Variants in DLG2 observed in about 807,000 individuals in gnomAD.
The protein encoded by DLG2 is discs large MAGUK scaffold protein 2.
In DLG2, 45 loss-of-function variants were observed where a neutral mutation model predicts 132.5. The observed-to-expected ratio is 0.34, with a 90% CI of 0.27 to 0.44. DLG2 has a LOEUF of 0.44. DLG2 is among the 20% of genes least tolerant of loss of function. The pLI, the probability that DLG2 is intolerant of heterozygous loss-of-function variation, is 1.00. For missense variants in DLG2, 1,045 were observed against 1,196.9 expected (o/e 0.87, Z 1.87); for synonymous variants, 424 against 419.6 (o/e 1.01, Z -0.13).
At chr11:83,919,933 C>G (rs888065098) in intron 15 of DLG2, among the ~76,000 whole-genome samples, 2 of 152,144 alleles carry the variant, frequency 1.3e-5, no homozygotes, top group Non-Finnish European at 2.9e-5. Context: ...TTATTCATAT[C>G]CTGATATCCA....
Position 84,391,336 on chromosome 11 carries a change from G to C in DLG2, c.520-140045C>G, listed in dbSNP as rs144433403. Among the ~76,000 whole-genome samples the C allele has an allele frequency of 1.4e-3, 215 of 152,248 alleles. 1 individual carries two copies. The highest frequency in any genetic ancestry group is 2.4e-3 in the Non-Finnish European group (163 of 68,006). On this transcript the variant is annotated intron_variant, in intron 7 of 27. Transcript: ENST00000376104. ...ATGAAATATTTGATTGGATGATAAAGAATGTCTGAAAGGATACATAAGAAA... is the reference window on the plus strand; with the variant it reads ...ATGAAATATTTGATTGGATGATAAACAATGTCTGAAAGGATACATAAGAAA...
intron 6 of DLG2, among the ~76,000 whole-genome samples, chr11:84,950,091 C>A (rs771339609): frequency 6.6e-6 from 1 of 152,206 alleles, no homozygotes; most frequent in South Asian, 2.1e-4. Flanking sequence ...ACAACAAATA[C>A]GTCCAACTAA....
chr11:84,946,563 T>C (rs934527311), intron 6 of DLG2, among the ~76,000 whole-genome samples: 1 of 152,002 alleles, frequency 6.6e-6, no homozygotes, highest in Non-Finnish European at 1.5e-5. Flanking sequence ...CCCTATTATA[T>C]AGTTCTGGAG....
chr11:84,223,277 T>G (rs2096941301), intron 8 of DLG2, among the ~76,000 whole-genome samples: 1 of 152,138 alleles, frequency 6.6e-6, no homozygotes, highest in African/African-American at 2.4e-5. Flanking sequence ...TAAAATGCTT[T>G]TGCCCTTGAT....
chr11:83,533,485 T>C (rs1457518019), intron 20 of DLG2, among the ~76,000 whole-genome samples: 1 of 152,174 alleles, frequency 6.6e-6, no homozygotes. Context: ...TAGAACAAGA[T>C]GGCTGATATC....
At chr11:85,343,547 A>T (rs2152863410) in intron 3 of DLG2, among the ~76,000 whole-genome samples, 1 of 152,310 alleles carries the variant, frequency 6.6e-6, no homozygotes, top group Non-Finnish European at 1.5e-5. Context: ...TCATTGCTAA[A>T]GTTACCAGCA....
chr11:85,341,279 T>C (rs917512626), intron 3 of DLG2, among the ~76,000 whole-genome samples: 1 of 152,048 alleles, frequency 6.6e-6, no homozygotes. Flanking sequence ...CCAACATGCC[T>C]GGCTAATTTT....
intron 3 of DLG2, among the ~76,000 whole-genome samples, chr11:85,579,902 G>T (rs1024384223): frequency 2.0e-5 from 3 of 152,152 alleles, no homozygotes; most frequent in Non-Finnish European, 4.4e-5. Flanking sequence ...AGAAATAGGA[G>T]AGAAGCCTGA....
At chr11:84,668,094 A>C (rs1029576959) in intron 6 of DLG2, among the ~76,000 whole-genome samples, 5 of 152,142 alleles carry the variant, frequency 3.3e-5, no homozygotes, top group African/African-American at 1.2e-4. Context: ...ATGAAGTGCC[A>C]GATAAAGATA....
At chr11:83,614,918 C>G (rs2060589408) in intron 19 of DLG2, among the ~76,000 whole-genome samples, 1 of 152,206 alleles carries the variant, frequency 6.6e-6, no homozygotes, top group African/African-American at 2.4e-5. Flanking sequence ...CATAGCACAG[C>G]TGATTTGCTT....
intron 15 of DLG2, among the ~76,000 whole-genome samples, chr11:83,886,801 A>G (rs2068033697): frequency 6.6e-6 from 1 of 152,186 alleles, no homozygotes; most frequent in Non-Finnish European, 1.5e-5. Context: ...AACTCACTCA[A>G]AACCACTCAA....
chr11:84,314,417 A>T lies in DLG2; in HGVS notation c.520-63126T>A, dbSNP rs910524655. 5.9e-5 allele frequency among the ~76,000 whole-genome samples: 9 copies of T among 152,208 alleles called. 1 individual carries two copies. The highest frequency in any genetic ancestry group is 3.3e-4 in the Admixed American group (5 of 15,286). On this transcript the variant is annotated intron_variant, in intron 7 of 27. Coordinates refer to ENST00000376104, the MANE Select transcript of DLG2 (RefSeq NM_001142699.3). ...AGTGGACACATGAATACATATAGGTACACACATGCTCTTATTTTTGTGATA... is the reference window on the plus strand; with the variant it reads ...AGTGGACACATGAATACATATAGGTTCACACATGCTCTTATTTTTGTGATA...
chr11:85,238,840 T>C (rs2152669868), intron 4 of DLG2, among the ~76,000 whole-genome samples: 1 of 152,142 alleles, frequency 6.6e-6, no homozygotes, highest in African/African-American at 2.4e-5. Context: ...CTTTTCTTTT[T>C]TTTTTTTAAC....
At chr11:84,198,460 T>C (rs1012497770) in intron 8 of DLG2, among the ~76,000 whole-genome samples, 1 of 152,106 alleles carries the variant, frequency 6.6e-6, no homozygotes, top group African/African-American at 2.4e-5. Context: ...TGAAGCATAC[T>C]AAATGGCCTC....
At chr11:84,248,602 T>C (rs2097332883) in intron 8 of DLG2, among the ~76,000 whole-genome samples, 1 of 152,146 alleles carries the variant, frequency 6.6e-6, no homozygotes, top group African/African-American at 2.4e-5. Context: ...ACACTCGTAA[T>C]CCCAGCACTT....
At chr11:83,892,308 T>G (rs770872203) in intron 15 of DLG2, among the ~76,000 whole-genome samples, 10 of 152,150 alleles carry the variant, frequency 6.6e-5, no homozygotes, top group Admixed American at 1.3e-4. Flanking sequence ...CTCCTTCCAT[T>G]TAAATAAGTT....
At chr11:84,851,434 C>A (rs2082152102) in intron 6 of DLG2, among the ~76,000 whole-genome samples, 1 of 152,088 alleles carries the variant, frequency 6.6e-6, no homozygotes, top group Non-Finnish European at 1.5e-5. Context: ...TATTAACTCA[C>A]TGGAATTGAA....
At chr11:84,391,731 T>C (rs959414959) in intron 7 of DLG2, among the ~76,000 whole-genome samples, 1 of 152,144 alleles carries the variant, frequency 6.6e-6, no homozygotes, top group Admixed American at 6.6e-5. Context: ...GCTGATTATT[T>C]TCCCTCGAAT....
At chr11:84,054,679 T>C (rs1422371477) in intron 11 of DLG2, among the ~76,000 whole-genome samples, 1 of 152,054 alleles carries the variant, frequency 6.6e-6, no homozygotes, top group Non-Finnish European at 1.5e-5. Context: ...CAAAATCACA[T>C]ACATCAAAGG....
Sources: allele counts gnomAD v4.1 joint callset (sites outside exome capture counted in the v4.1 genomes callset), GRCh38; gene constraint gnomAD v4.1.1; transcripts MANE v1.5; gene names NCBI Gene and HGNC (gene_info 2026-07-23, HGNC 2026-07-21).